The following EGFR variants were observed in gnomAD, a reference collection of about 807,000 sequenced individuals.
EGFR encodes avian erythroblastic leukemia viral (v-erb-b) oncogene homolog.
A neutral mutation model predicts 143.0 loss-of-function variants in EGFR; 58 were observed. The ratio of observed to expected loss-of-function variants is 0.41; its 90% confidence interval spans 0.33 to 0.50. The LOEUF (loss-of-function observed/expected upper bound fraction) is 0.50, where lower values mean the gene tolerates loss of function less well. Ranked by LOEUF, EGFR falls within the 20% of genes least tolerant of loss-of-function variation. The pLI is 0.39. For missense variants in EGFR, 1,307 were observed against 1,579.0 expected (o/e 0.83, Z 2.92); for synonymous variants, 613 against 594.4 (o/e 1.03, Z -0.45).
rs1416686997 is a variant in EGFR at position 55,181,817 on chromosome 7, C to G, written c.2469+339C>G. On this transcript the variant is annotated intron_variant, in intron 20 of 27. Coordinates refer to ENST00000275493, the MANE Select transcript of EGFR (RefSeq NM_005228.5). ...TAGTGGAGAAGGAATATTGCTTCCC[C>G]CATTCAGGACTTGATAACAAGGTAA... The G allele has an allele frequency of 8.0e-6, 3 of 373,166 alleles. No homozygotes were observed. The Admixed American group carries it at 1.2e-4, about 15-fold the overall frequency. The allele number at this position is 373,166 out of a possible 1,614,324, so 23.1% of individuals were successfully genotyped here.
intron 19 of EGFR, 88 bp downstream of exon 19, chr7:55,174,908 C>A (rs1452597995): frequency 2.0e-6 from 2 of 1,009,298 alleles, no homozygotes; most frequent in Admixed American, 1.8e-5. Flanking sequence ...CTGCTCTAGA[C>A]CCTGCTCATC....
intron 19 of EGFR, among the ~76,000 whole-genome samples, chr7:55,176,924 AAT>A (rs202183522): frequency 6.8e-6 from 1 of 146,546 alleles, no homozygotes; most frequent in Non-Finnish European, 1.5e-5. Flanking sequence ...TCTCTCTCTA[AAT>A]ATATATATAT....
chr7:55,180,538 A>G (rs12532468), intron 19 of EGFR: 86,788 of 152,506 alleles, frequency 0.57, 25,273 homozygotes, highest in Middle Eastern at 0.68. Flanking sequence ...GCCTGGGGGC[A>G]CAGCACAGAG....
At chr7:55,073,021 A>G (rs548700971) in intron 1 of EGFR, among the ~76,000 whole-genome samples, 1 of 152,324 alleles carries the variant, frequency 6.6e-6, no homozygotes, top group South Asian at 2.1e-4. Context: ...GCTTTGCTAT[A>G]TCTGACTGCT....
chr7:55,099,845 G>A (rs1156709128), intron 1 of EGFR, among the ~76,000 whole-genome samples: 1 of 152,050 alleles, frequency 6.6e-6, no homozygotes, highest in Non-Finnish European at 1.5e-5. Context: ...AAAAGAAAGG[G>A]GCCCAATTCT....
chr7:55,152,015 C>T (rs1785183582), intron 5 of EGFR, among the ~76,000 whole-genome samples: 1 of 152,220 alleles, frequency 6.6e-6, no homozygotes, highest in African/African-American at 2.4e-5. Context: ...TTTCCTCTCC[C>T]TCCCTGGCTT....
chr7:55,063,609 A>G lies in EGFR; in HGVS notation c.88+44244A>G, dbSNP rs1789326125. ...ACGCAGTTTTTCTCAGTTTTCTGAG[A>G]TGGGGCCATCTTGAATCCAACAGAC... On this transcript the variant is annotated intron_variant, in intron 1 of 27. Transcript: ENST00000275493. 1.3e-5 allele frequency among the ~76,000 whole-genome samples: 2 copies of G among 152,208 alleles called. 1 individual carries two copies. The highest frequency in any genetic ancestry group is 4.1e-4 in the South Asian group (2 of 4,828).
intron 1 of EGFR, among the ~76,000 whole-genome samples, chr7:55,024,320 C>A (rs1397792932): frequency 3.3e-5 from 5 of 152,198 alleles, no homozygotes; most frequent in African/African-American, 1.2e-4. Context: ...AATTTTACTC[C>A]TACCAGTTTC....
intron 22 of EGFR, among the ~76,000 whole-genome samples, 176 bp downstream of exon 22, chr7:55,193,017 G>A (rs1179458887): frequency 7.2e-5 from 11 of 151,922 alleles, no homozygotes; most frequent in Admixed American, 5.2e-4. Context: ...AGAGGAAATC[G>A]AGTCCAGCTG....
At chr7:55,089,561 C>T (rs1368281331) in intron 1 of EGFR, among the ~76,000 whole-genome samples, 3 of 152,180 alleles carry the variant, frequency 2.0e-5, no homozygotes, top group South Asian at 2.1e-4. Flanking sequence ...ACACTATCTC[C>T]GTTTCATGGT....
intron 1 of EGFR, among the ~76,000 whole-genome samples, chr7:55,035,008 A>T (rs961045963): frequency 5.9e-5 from 9 of 152,222 alleles, no homozygotes; most frequent in African/African-American, 2.2e-4. Flanking sequence ...TGTACAGCAC[A>T]GTAGTGGCAT....
At chr7:55,167,870 A>G (rs1562778889) in intron 15 of EGFR, among the ~76,000 whole-genome samples, 1 of 152,234 alleles carries the variant, frequency 6.6e-6, no homozygotes, top group African/African-American at 2.4e-5. Context: ...CCAGAATAAT[A>G]TCAGACATAA....
intron 15 of EGFR, among the ~76,000 whole-genome samples, chr7:55,168,831 GA>G (rs1429706156): frequency 2.0e-5 from 3 of 152,114 alleles, no homozygotes; most frequent in African/African-American, 7.2e-5. Context: ...TGATGAGAGG[GA>G]AAATTTTTTT....
chr7:55,168,424 A>G, intron 15 of EGFR: 1 of 823,120 alleles, frequency 1.2e-6, no homozygotes, highest in Non-Finnish European at 2.1e-6. Flanking sequence ...TACTTTGTAT[A>G]AGAAATAGTT....
chr7:55,120,035 G>A (rs1306898541), intron 1 of EGFR, among the ~76,000 whole-genome samples: 6 of 152,234 alleles, frequency 3.9e-5, no homozygotes, highest in African/African-American at 7.2e-5. Context: ...TGCTGACTGG[G>A]TAGCCAGATA....
intron 13 of EGFR, among the ~76,000 whole-genome samples, chr7:55,161,945 C>A (rs748933150): frequency 6.6e-6 from 1 of 152,202 alleles, no homozygotes; most frequent in Non-Finnish European, 1.5e-5. Flanking sequence ...AGACAGTCAT[C>A]AATGGTTCAT....
Position 55,205,148 on chromosome 7 carries a change from T to C in EGFR, c.3272-108T>C, listed in dbSNP as rs564533241. ...GGGCCCTCCCGAGGCTCCTGCTCCC[T>C]GTCATAAGTCTCCTTGTTGAGGACA... On this transcript the variant is annotated intron_variant, in intron 27 of 27. Coordinates refer to ENST00000275493, the MANE Select transcript of EGFR (RefSeq NM_005228.5). The C allele has an allele frequency of 3.3e-6, 5 of 1,528,206 alleles. No homozygotes were observed. In the African/African-American group the frequency reaches 5.5e-5, roughly 17 times the overall value. 94.7% of individuals were successfully genotyped at this position (1,528,206 alleles called of 1,614,324 possible). A position where few individuals can be genotyped will look rare whatever the true frequency, so the allele number is the denominator to read the frequency against.
intron 19 of EGFR, among the ~76,000 whole-genome samples, chr7:55,178,388 G>T (rs914704038): frequency 6.6e-6 from 1 of 152,230 alleles, no homozygotes; most frequent in East Asian, 1.9e-4. Context: ...TGTACTGTGT[G>T]TGTGTCTCCC....
chr7:55,031,800 A>T (rs1787263788), intron 1 of EGFR, among the ~76,000 whole-genome samples: 1 of 152,352 alleles, frequency 6.6e-6, no homozygotes, highest in East Asian at 1.9e-4. Flanking sequence ...AGTTGCCAAT[A>T]TTATATTCTT....
Sources: gnomAD v4.1 joint callset for allele counts (sites outside exome capture counted in the v4.1 genomes callset) on GRCh38, gnomAD v4.1.1 for gene constraint, MANE v1.5 for transcripts, NCBI Gene and HGNC (gene_info 2026-07-23, HGNC 2026-07-21) for gene names.